PIK3C2G: variants seen among roughly 807,000 people sequenced by gnomAD.
PIK3C2G encodes phosphatidylinositol-4-phosphate 3-kinase catalytic subunit type 2 gamma.
Under a neutral mutation model 181.1 loss-of-function variants are expected in PIK3C2G, and 168 were observed. The ratio of observed to expected loss-of-function variants is 0.93; its 90% CI spans 0.82 to 1.05. The LOEUF is 1.05. Among genes scored for constraint, PIK3C2G ranks in the 50% least tolerant of loss-of-function variants. The pLI, the probability that PIK3C2G is intolerant of heterozygous loss-of-function variation, is 0.00. For missense variants in PIK3C2G, 1,869 were observed against 1,732.8 expected (o/e 1.08, Z -1.40); for synonymous variants, 573 against 592.2 (o/e 0.97, Z 0.47).
upstream of PIK3C2G, among the ~76,000 whole-genome samples, chr12:18,257,674 GAGAA>G (rs1222221819): frequency 4.1e-5 from 6 of 145,466 alleles, no homozygotes; most frequent in South Asian, 2.2e-4. Context: ...GAAAGAAAGA[GAGAA>G]AGAAAGAAGA....
intron 24 of PIK3C2G, among the ~76,000 whole-genome samples, chr12:18,527,804 A>C (rs2136204917): frequency 6.6e-6 from 1 of 152,262 alleles, no homozygotes; most frequent in Non-Finnish European, 1.5e-5. Context: ...ATTTTGAAGA[A>C]ATAGTTGTTT....
the PIK3C2G span, among the ~76,000 whole-genome samples, chr12:18,711,529 T>TATAATAACA: frequency 1.4e-5 from 2 of 142,460 alleles, no homozygotes; most frequent in African/African-American, 5.3e-5. Flanking sequence ...AAACTTAAAG[T>TATAATAACA]ATAATAATAA....
intron 3 of PIK3C2G, among the ~76,000 whole-genome samples, chr12:18,287,144 A>G (rs1949479901): frequency 6.6e-6 from 1 of 152,178 alleles, no homozygotes. Context: ...TTTCTCTTAA[A>G]AATTTGGTTA....
chr12:18,332,368 G>A (rs537803501), intron 8 of PIK3C2G, among the ~76,000 whole-genome samples: 37 of 152,092 alleles, frequency 2.4e-4, no homozygotes, highest in Non-Finnish European at 4.4e-4. Flanking sequence ...GTGGGGACAA[G>A]GAGAGTTCTG....
chr12:18,260,058 C>T (rs1242108038), upstream of PIK3C2G, among the ~76,000 whole-genome samples: 4 of 151,816 alleles, frequency 2.6e-5, no homozygotes, highest in Non-Finnish European at 4.4e-5. Context: ...ATTTTTGTAC[C>T]CTTTCTTGTT....
At chr12:18,260,992 T>C (rs377115398), upstream of PIK3C2G, among the ~76,000 whole-genome samples, 2 of 152,264 alleles carry the variant, frequency 1.3e-5, no homozygotes, top group African/African-American at 4.8e-5. Context: ...AAATTTACTA[T>C]GCATCCTAAG....
At chr12:18,360,706 C>G (rs1592060187) in intron 11 of PIK3C2G, among the ~76,000 whole-genome samples, 1 of 152,160 alleles carries the variant, frequency 6.6e-6, no homozygotes, top group Non-Finnish European at 1.5e-5. Context: ...TTCTGGCTTA[C>G]AAAGTTTCTG....
rs536592064 is a variant in PIK3C2G at position 18,399,194 on chromosome 12, C to CAAAAAAAAAAAA, written c.2127-460_2127-449dup. 3.6e-3 allele frequency among the ~76,000 whole-genome samples: 287 copies of CAAAAAAAAAAAA among 80,088 alleles called. 2 individuals carry two copies. Among genetic ancestry groups the CAAAAAAAAAAAA allele is most frequent in the African/African-American group, 0.013 (277 of 20,682 alleles). The allele number at this position is 80,088 out of a possible 152,430, so 52.5% of individuals were successfully genotyped here. A position where few individuals can be genotyped will look rare whatever the true frequency, so the allele number is the denominator to read the frequency against. ...TGGGTGACAGAGCGAGACTCCGTCT[C>CAAAAAAAAAAAA]AAAAAAAAAAAAAAAATATGCCATT... On this transcript the variant is annotated intron_variant, in intron 15 of 32. Coordinates refer to ENST00000538779, the MANE Select transcript of PIK3C2G (RefSeq NM_001288772.2).
the PIK3C2G span, among the ~76,000 whole-genome samples, chr12:18,705,695 A>G: frequency 6.6e-6 from 1 of 150,770 alleles, no homozygotes; most frequent in Admixed American, 6.6e-5. Flanking sequence ...GTGAAACCCC[A>G]TCTCTACTAA....
the PIK3C2G span, among the ~76,000 whole-genome samples, chr12:18,701,105 G>A: frequency 6.6e-6 from 1 of 151,646 alleles, no homozygotes; most frequent in African/African-American, 2.4e-5. Flanking sequence ...CTGCTTCAGC[G>A]TCACAAGTAG....
chr12:18,659,845 A>G, the PIK3C2G span, among the ~76,000 whole-genome samples: 1 of 152,140 alleles, frequency 6.6e-6, no homozygotes, highest in Non-Finnish European at 1.5e-5. Context: ...TCTCCCAGAT[A>G]AAAACTGAGA....
chr12:18,346,774 T>C lies in PIK3C2G; in HGVS notation c.1563T>C (p.Leu521=), dbSNP rs769074811. 2 of 1,613,758 alleles carry C rather than the reference T, an allele frequency of 1.2e-6. No homozygotes were observed. The highest frequency in any genetic ancestry group is 1.7e-6 in the Non-Finnish European group (2 of 1,179,780). ...GCACTTCCTATCTAAATCCCGGGCT[T>C]CCTTCCCACCTCAGCTTCACAGTGT... ...PRCTSYLNPG[L]PSHLSFTVYA... The change falls in exon 11 of 33, where the codon CTT becomes CTC. Residue 521 remains leucine (L), a synonymous_variant. Coordinates refer to ENST00000538779, the MANE Select transcript of PIK3C2G (RefSeq NM_001288772.2).
chr12:18,324,903 A>G (rs1246953281), intron 7 of PIK3C2G, 132 bp from the exon 8 acceptor site: 2 of 539,018 alleles, frequency 3.7e-6, no homozygotes, highest in Non-Finnish European at 6.5e-6. Flanking sequence ...AAATTATGTC[A>G]ACAATAATCC....
chr12:18,410,103 C>T (rs1944774189), intron 16 of PIK3C2G, among the ~76,000 whole-genome samples: 1 of 152,074 alleles, frequency 6.6e-6, no homozygotes, highest in African/African-American at 2.4e-5. Flanking sequence ...AAATCCAAAC[C>T]ATATCAAGGC....
chr12:18,352,726 G>C (rs1032091878), intron 11 of PIK3C2G, among the ~76,000 whole-genome samples: 4 of 152,190 alleles, frequency 2.6e-5, no homozygotes, highest in East Asian at 3.9e-4. Context: ...GCAGGATGGA[G>C]AGCTAGAAAG....
downstream of PIK3C2G, among the ~76,000 whole-genome samples, chr12:18,653,148 T>C (rs1950591788): frequency 6.6e-6 from 1 of 152,050 alleles, no homozygotes; most frequent in Admixed American, 6.6e-5. Flanking sequence ...ACTAATATCA[T>C]AAAACAAAGT....
chr12:18,500,764 G>A (rs769534603), intron 22 of PIK3C2G, among the ~76,000 whole-genome samples: 21 of 152,122 alleles, frequency 1.4e-4, no homozygotes, highest in Non-Finnish European at 4.4e-5. Flanking sequence ...GCCAGCAGTG[G>A]CAACCCACTC....
chr12:18,328,766 T>G (rs185119781), intron 8 of PIK3C2G, among the ~76,000 whole-genome samples: 14 of 152,092 alleles, frequency 9.2e-5, no homozygotes, highest in Non-Finnish European at 1.3e-4. Flanking sequence ...TAAGAAAAGG[T>G]GAGTACCCGT....
At chr12:18,623,447 T>C (rs1436967231) in intron 31 of PIK3C2G, among the ~76,000 whole-genome samples, 10 of 151,992 alleles carry the variant, frequency 6.6e-5, no homozygotes, top group African/African-American at 2.4e-4. Flanking sequence ...CATTTTGTTG[T>C]ATAGTTTGAA....
Sources: gnomAD v4.1 joint callset for allele counts (sites outside exome capture counted in the v4.1 genomes callset) on GRCh38, gnomAD v4.1.1 for gene constraint, MANE v1.5 for transcripts, NCBI Gene and HGNC (gene_info 2026-07-23, HGNC 2026-07-21) for gene names.